FBXO15: variants seen among roughly 807,000 people sequenced by gnomAD.
FBXO15 encodes F-box protein 15, also known as F-box only protein 15.
In FBXO15, 30 loss-of-function variants were observed where a neutral mutation model predicts 49.5. The ratio of observed to expected loss-of-function variants is 0.61; its 90% confidence interval spans 0.45 to 0.82. The LOEUF (loss-of-function observed/expected upper bound fraction) is 0.82, where lower values mean the gene tolerates loss of function less well. Among genes scored for constraint, FBXO15 ranks in the 40% least tolerant of loss-of-function variants. The pLI is 0.00. For synonymous variants in FBXO15, 250 were observed against 232.7 expected (o/e 1.07, Z -0.68); for missense variants, 591 against 631.5 (o/e 0.94, Z 0.69).
chr18:74,135,639 A>G (rs1249734026), intron 3 of FBXO15, 123 bp downstream of exon 3: 2 of 716,348 alleles, frequency 2.8e-6, no homozygotes, highest in African/African-American at 3.6e-5. Flanking sequence ...TGACATTTCC[A>G]CTTGTGTGTA....
chr18:74,113,849 T>C (rs1381711296), intron 8 of FBXO15, among the ~76,000 whole-genome samples: 3 of 152,236 alleles, frequency 2.0e-5, no homozygotes, highest in Non-Finnish European at 2.9e-5. Context: ...GCAAGCTCTA[T>C]TTACACTTCA....
intron 8 of FBXO15, 98 bp from the exon 9 acceptor site, chr18:74,082,149 G>A: frequency 3.8e-6 from 5 of 1,331,014 alleles, no homozygotes; most frequent in South Asian, 1.4e-5. Context: ...CCTCACCCTG[G>A]TAAGCCCTGG....
chr18:74,122,471 T>C lies in FBXO15; in HGVS notation c.1138+897A>G, dbSNP rs553167920. On this transcript the variant is annotated intron_variant, in intron 8 of 9. Transcript: ENST00000419743. ...AAGTTCTTTACAAAATCTCAGTTGATAAATATAGAAATAGTGACATAATTA... is the reference window on the plus strand; with the variant it reads ...AAGTTCTTTACAAAATCTCAGTTGACAAATATAGAAATAGTGACATAATTA... The C allele has an allele frequency of 6.6e-5, 10 of 152,348 alleles. No individual in the cohort carries two copies. In the South Asian group the frequency reaches 2.1e-3, roughly 32 times the overall value. The allele number at this position is 152,348 out of a possible 1,614,324, so 9.4% of individuals were successfully genotyped here.
At position 74,147,812 on chromosome 18, in the gene FBXO15, G is replaced by C; in HGVS notation, c.-27C>G. On this transcript the variant is annotated 5_prime_UTR_variant, in exon 1 of 10. Coordinates refer to ENST00000419743, the MANE Select transcript of FBXO15 (RefSeq NM_001142958.2). Reference sequence around the variant, plus strand: ...GAGACAAGGAGTTCACCACAGGACCGCGCCAGGGCTGAAACGAAGAGTGCA... The same window carrying C: ...GAGACAAGGAGTTCACCACAGGACCCCGCCAGGGCTGAAACGAAGAGTGCA... 1 of 1,492,832 alleles carries C rather than the reference G, an allele frequency of 6.7e-7. No homozygotes were observed. Among genetic ancestry groups the C allele is most frequent in the Non-Finnish European group, 8.9e-7 (1 of 1,121,782 alleles). 92.5% of individuals were successfully genotyped at this position (1,492,832 alleles called of 1,614,324 possible). A position where few individuals can be genotyped will look rare whatever the true frequency, so the allele number is the denominator to read the frequency against.
intron 8 of FBXO15, among the ~76,000 whole-genome samples, chr18:74,111,042 A>G (rs781560565): frequency 1.3e-5 from 2 of 152,184 alleles, no homozygotes; most frequent in Non-Finnish European, 2.9e-5. Context: ...GAACTCAACA[A>G]TGTCATAAAT....
intron 8 of FBXO15, among the ~76,000 whole-genome samples, chr18:74,116,060 T>C (rs114808100): frequency 9.5e-4 from 144 of 152,322 alleles, no homozygotes; most frequent in African/African-American, 3.2e-3. Flanking sequence ...TCTCTGTGTG[T>C]CATTTCACAA....
intron 4 of FBXO15, 40 bp from the exon 5 acceptor site, chr18:74,129,654 G>GAA: frequency 4.9e-5 from 61 of 1,244,138 alleles, no homozygotes; most frequent in South Asian, 1.5e-4. Context: ...TTGCCTCATT[G>GAA]AAAAAAAAAA....
At chr18:74,130,178 T>C (rs561413096) in intron 4 of FBXO15, among the ~76,000 whole-genome samples, 1 of 152,354 alleles carries the variant, frequency 6.6e-6, no homozygotes, top group Non-Finnish European at 1.5e-5. Context: ...ATTTGTATTC[T>C]TTTTTATACT....
intron 4 of FBXO15, among the ~76,000 whole-genome samples, 188 bp downstream of exon 4, chr18:74,130,228 A>G (rs1321632479): frequency 6.6e-6 from 1 of 152,158 alleles, no homozygotes; most frequent in East Asian, 1.9e-4. Flanking sequence ...AATATTTCTG[A>G]TCTGCAGTTG....
chr18:74,139,398 C>A (rs771005353), intron 2 of FBXO15, among the ~76,000 whole-genome samples: 1 of 152,156 alleles, frequency 6.6e-6, no homozygotes, highest in Non-Finnish European at 1.5e-5. Flanking sequence ...ATATCAGATG[C>A]CTGTAAAACA....
chr18:74,102,311 T>C (rs532902750), intron 8 of FBXO15, among the ~76,000 whole-genome samples: 23 of 152,006 alleles, frequency 1.5e-4, no homozygotes, highest in African/African-American at 5.5e-4. Context: ...AATAGATAAT[T>C]CTCAAAAGAA....
At chr18:74,088,757 T>C (rs1912869929) in intron 8 of FBXO15, among the ~76,000 whole-genome samples, 1 of 152,230 alleles carries the variant, frequency 6.6e-6, no homozygotes, top group Non-Finnish European at 1.5e-5. Context: ...ATTGGTAGTT[T>C]GATAGGAATA....
rs867744642 is a variant in FBXO15 at position 74,086,559 on chromosome 18, C to A, written c.1139-4508G>T. 5.9e-5 allele frequency among the ~76,000 whole-genome samples: 9 copies of A among 152,136 alleles called. 1 individual carries two copies. Among genetic ancestry groups the A allele is most frequent in the Admixed American group, 4.6e-4 (7 of 15,282 alleles). ...CCAAGTAGCTGGGACTACAGGCGCC[C>A]GCCACCACGCCTGACTAATTTTTTG... On this transcript the variant is annotated intron_variant, in intron 8 of 9. Coordinates refer to ENST00000419743, the MANE Select transcript of FBXO15 (RefSeq NM_001142958.2).
intron 8 of FBXO15, among the ~76,000 whole-genome samples, chr18:74,085,619 TC>T (rs1912704715): frequency 6.6e-6 from 1 of 152,112 alleles, no homozygotes; most frequent in Non-Finnish European, 1.5e-5. Context: ...GACACACAGA[TC>T]AATAAAATGG....
intron 8 of FBXO15, among the ~76,000 whole-genome samples, chr18:74,107,649 A>G (rs1215129186): frequency 6.6e-6 from 1 of 152,184 alleles, no homozygotes; most frequent in African/African-American, 2.4e-5. Context: ...AGTGTGGGCA[A>G]GTCTGAGAGT....
chr18:74,079,260 A>C (rs2145100379), intron 9 of FBXO15, among the ~76,000 whole-genome samples: 1 of 152,312 alleles, frequency 6.6e-6, no homozygotes, highest in South Asian at 2.1e-4. Context: ...GCAGGAGAGT[A>C]TTTCACTTTG....
At chr18:74,096,646 C>CAA (rs796071138) in intron 8 of FBXO15, among the ~76,000 whole-genome samples, 2 of 128,342 alleles carry the variant, frequency 1.6e-5, no homozygotes, top group East Asian at 2.3e-4. Flanking sequence ...CCAAAGCAAA[C>CAA]AAAAAAAAAA....
At chr18:74,073,752 A>C in intron 9 of FBXO15, 22 bp from the exon 10 acceptor site, 4 of 1,594,100 alleles carry the variant, frequency 2.5e-6, no homozygotes, top group Non-Finnish European at 3.4e-6. Flanking sequence ...ACACAGATTG[A>C]CAAGGATAAA....
intron 8 of FBXO15, among the ~76,000 whole-genome samples, chr18:74,104,287 T>C (rs1476626280): frequency 6.6e-6 from 1 of 152,026 alleles, no homozygotes; most frequent in Non-Finnish European, 1.5e-5. Context: ...AACCTATTAA[T>C]AGATTAACTA....
Sources: allele counts gnomAD v4.1 joint callset (sites outside exome capture counted in the v4.1 genomes callset), GRCh38; gene constraint gnomAD v4.1.1; transcripts MANE v1.5; gene names NCBI Gene and HGNC (gene_info 2026-07-23, HGNC 2026-07-21).